Variants in FBXO34 observed in about 807,000 individuals in gnomAD.
FBXO34 encodes the protein F-box protein 34, also known as F-box only protein 34.
Under a neutral mutation model 24.5 loss-of-function variants are expected in FBXO34, and 12 were observed. That is an observed-to-expected ratio of 0.49 (90% CI 0.31 to 0.79). FBXO34 has a LOEUF of 0.79. FBXO34 is among the 30% of genes least tolerant of loss of function. The pLI is 0.04. For missense variants in FBXO34, 823 were observed against 857.7 expected, an observed-to-expected ratio of 0.96 and a Z score of 0.51; for synonymous variants, 320 against 311.9, an observed-to-expected ratio of 1.03 and a Z score of -0.27.
the FBXO34 span, among the ~76,000 whole-genome samples, chr14:55,386,966 G>A: frequency 1.3e-5 from 2 of 152,202 alleles, no homozygotes; most frequent in African/African-American, 4.8e-5. Flanking sequence ...TATTTTTGAC[G>A]TGTCCACTGC....
the FBXO34 span, among the ~76,000 whole-genome samples, chr14:55,375,820 G>A: frequency 6.6e-6 from 1 of 152,132 alleles, no homozygotes; most frequent in South Asian, 2.1e-4. Context: ...ACTGATAGTA[G>A]GCATCCTTGA....
chr14:55,399,907 T>G, the FBXO34 span, among the ~76,000 whole-genome samples: 1 of 152,164 alleles, frequency 6.6e-6, no homozygotes, highest in Non-Finnish European at 1.5e-5. Context: ...TTCTTGGACT[T>G]TGTTAAAAAC....
chr14:55,417,626 A>G, the FBXO34 span, among the ~76,000 whole-genome samples: 1 of 152,012 alleles, frequency 6.6e-6, no homozygotes, highest in Non-Finnish European at 1.5e-5. Flanking sequence ...TGTCTGGCTA[A>G]TTTTGTCTAT....
At chr14:55,271,908 C>T (rs1290588873) in intron 1 of FBXO34, 1 of 152,342 alleles carries the variant, frequency 6.6e-6, no homozygotes, top group Admixed American at 6.5e-5. Flanking sequence ...AGGAAGTCAG[C>T]CTCTGGACTG....
chr14:55,424,648 C>CT, the FBXO34 span, among the ~76,000 whole-genome samples: 1 of 152,130 alleles, frequency 6.6e-6, no homozygotes, highest in African/African-American at 2.4e-5. Flanking sequence ...ATTTTGTATG[C>CT]TTTTACGAAC....
chr14:55,359,992 A>T (rs996567056), intron 3 of FBXO34, among the ~76,000 whole-genome samples: 10 of 151,580 alleles, frequency 6.6e-5, no homozygotes, highest in African/African-American at 2.4e-4. Context: ...AGGTGAGAGG[A>T]TCACTTGGGC....
At chr14:55,432,232 A>AC in the FBXO34 span, among the ~76,000 whole-genome samples, 2 of 123,450 alleles carry the variant, frequency 1.6e-5, no homozygotes, top group Non-Finnish European at 3.5e-5. Flanking sequence ...ATATGGGGAA[A>AC]CCCCCGTCTC....
chr14:55,336,360 C>T (rs1883774564), intron 1 of FBXO34, among the ~76,000 whole-genome samples: 1 of 152,222 alleles, frequency 6.6e-6, no homozygotes, highest in Admixed American at 6.5e-5. Context: ...GCAACTGCAT[C>T]AGACAGCCTG....
the FBXO34 span, among the ~76,000 whole-genome samples, chr14:55,382,768 A>C: frequency 6.6e-6 from 1 of 152,226 alleles, no homozygotes; most frequent in African/African-American, 2.4e-5. Context: ...GTAGGGCTGA[A>C]CATATAAGGT....
chr14:55,302,453 GTTT>G (rs796083398), intron 1 of FBXO34, among the ~76,000 whole-genome samples: 3 of 133,454 alleles, frequency 2.2e-5, no homozygotes, highest in Non-Finnish European at 3.2e-5. Flanking sequence ...CCTCTTTTTT[GTTT>G]TTTTTTTTTT....
intron 1 of FBXO34, among the ~76,000 whole-genome samples, chr14:55,294,430 T>G (rs141457685): frequency 6.6e-6 from 1 of 152,108 alleles, no homozygotes; most frequent in Admixed American, 6.6e-5. Flanking sequence ...TGGGAGTACA[T>G]ACGCACACCA....
chr14:55,414,090 G>T, the FBXO34 span: 1 of 560,562 alleles, frequency 1.8e-6, no homozygotes, highest in South Asian at 1.4e-5. Context: ...TGGCCCTTCC[G>T]GCTAAAAGGA....
At chr14:55,324,304 A>T (rs66551709) in intron 1 of FBXO34, among the ~76,000 whole-genome samples, 45,986 of 151,982 alleles carry the variant, frequency 0.3, 7,243 homozygotes, top group Non-Finnish European at 0.34. Context: ...ATTCCATTGT[A>T]TACTTGTACC....
chr14:55,338,045 C>CTTTTTTTTTTTTTTTTTTTTT (rs1480397645), intron 1 of FBXO34, among the ~76,000 whole-genome samples: 2 of 82,944 alleles, frequency 2.4e-5, no homozygotes, highest in East Asian at 4.5e-4. Flanking sequence ...AGAGTATGTA[C>CTTTTTTTTTTTTTTTTTTTTT]TTCTTTTTTT....
the FBXO34 span, among the ~76,000 whole-genome samples, chr14:55,441,220 C>G: frequency 6.6e-6 from 1 of 151,898 alleles, no homozygotes; most frequent in Non-Finnish European, 1.5e-5. Flanking sequence ...GCGACCATAG[C>G]TCACTGCAGC....
Position 55,352,117 on chromosome 14 carries a change from C to G in FBXO34, c.1727C>G (p.Ala576Gly), listed in dbSNP as rs760130316. Residue 576 changes from alanine to glycine, a missense_variant, in exon 2 of 2, where the codon GCT becomes GGT. By Grantham distance (60) the Ala-to-Gly change is moderately conservative. Transcript: ENST00000313833. ...CTTTTGGAGCCTCAGCAGTACATGG[C>G]TTTTCTGCCCCACCACATTATGGTA... ...QQLLEPQQYM[A>G]FLPHHIMVKI... The G allele has an allele frequency of 5.6e-6, 9 of 1,614,158 alleles. No individual in the cohort carries two copies. Among genetic ancestry groups the G allele is most frequent in the Non-Finnish European group, 7.6e-6 (9 of 1,180,018 alleles).
the FBXO34 span, among the ~76,000 whole-genome samples, chr14:55,394,224 C>T: frequency 3.3e-5 from 5 of 151,458 alleles, no homozygotes; most frequent in South Asian, 2.1e-4. Context: ...TCAGGCTGGT[C>T]TCGAACTCCT....
chr14:55,397,309 T>C, the FBXO34 span: 3 of 1,396,864 alleles, frequency 2.1e-6, no homozygotes, highest in Non-Finnish European at 3.0e-6. Flanking sequence ...ACCACAGCAC[T>C]GAATTCAACC....
intron 1 of FBXO34, among the ~76,000 whole-genome samples, chr14:55,329,759 T>C (rs1883470787): frequency 6.6e-6 from 1 of 152,218 alleles, no homozygotes; most frequent in South Asian, 2.1e-4. Context: ...TAAATTTGAC[T>C]AGCATATTGA....
Sources: allele counts gnomAD v4.1 joint callset (sites outside exome capture counted in the v4.1 genomes callset), GRCh38; gene constraint gnomAD v4.1.1; transcripts MANE v1.5; gene names NCBI Gene and HGNC (gene_info 2026-07-23, HGNC 2026-07-21).